The following MSRA variants were observed in gnomAD, a reference collection of about 807,000 sequenced individuals.
The protein encoded by MSRA is methionine sulfoxide reductase A.
Under a neutral mutation model 31.3 loss-of-function variants are expected in MSRA, and 54 were observed. The ratio of observed to expected loss-of-function variants is 1.73; its 90% CI spans 1.39 to 2.17. MSRA has a LOEUF of 2.17. Ranked by LOEUF, MSRA falls within the 30% of genes most tolerant of loss-of-function variation. The pLI is 0.00. For synonymous variants in MSRA, 169 were observed against 116.5 expected (o/e 1.45, Z -2.90); for missense variants, 507 against 300.9 (o/e 1.69, Z -5.07).
intron 1 of MSRA, among the ~76,000 whole-genome samples, chr8:10,160,493 T>TAAA (rs897488761): frequency 7.2e-6 from 1 of 139,360 alleles, no homozygotes; most frequent in Non-Finnish European, 1.6e-5. Flanking sequence ...AGACTCCATC[T>TAAA]AAAAAAAAAA....
intron 1 of MSRA, among the ~76,000 whole-genome samples, chr8:10,098,539 A>G (rs1473827645): frequency 6.6e-6 from 1 of 152,178 alleles, no homozygotes. Context: ...ACGGGGATGG[A>G]AGAGGGAATA....
intron 2 of MSRA, among the ~76,000 whole-genome samples, chr8:10,226,753 T>C (rs1811037627): frequency 6.6e-6 from 1 of 152,168 alleles, no homozygotes. Flanking sequence ...TGTTAAGGCT[T>C]TCTTTACTTT....
chr8:10,316,446 G>A lies in MSRA; in HGVS notation c.437-3437G>A, dbSNP rs191287169. ...GTTTACTAATATCCTCCAAGTATTTGCAGAATTGGGTGAATAACGTAGTAA... is the reference window on the plus strand; with the variant it reads ...GTTTACTAATATCCTCCAAGTATTTACAGAATTGGGTGAATAACGTAGTAA... On this transcript the variant is annotated intron_variant, in intron 4 of 5. Transcript: ENST00000317173. Among the ~76,000 whole-genome samples the A allele has an allele frequency of 3.5e-4, 53 of 151,432 alleles. 1 individual carries two copies. The highest frequency in any genetic ancestry group is 2.2e-4 in the African/African-American group (9 of 41,348).
rs1415913757 is a variant in MSRA, at chr8:10,054,421, G to A, written c.-96G>A. ...CCCGCCCGCGCCCCTGCCGCCCCCC[G>A]GTTCCGGCCGCGGACCCCACTCTCT... On this transcript the variant is annotated 5_prime_UTR_variant, in exon 1 of 6. Transcript: ENST00000317173. 2.0e-5 allele frequency: 4 copies of A among 204,724 alleles called. No homozygotes were observed. Among genetic ancestry groups the A allele is most frequent in the Non-Finnish European group, 3.2e-5 (4 of 124,310 alleles). The allele number at this position is 204,724 out of a possible 1,614,324, so 12.7% of individuals were successfully genotyped here. A position where few individuals can be genotyped will look rare whatever the true frequency, so the allele number is the denominator to read the frequency against.
rs78816416 is a variant in MSRA, at chr8:10,404,242, G to A, written c.544-23906G>A. ...CTGCTCCTCCTCCACAAATAGCAAGGCAGGGACCTTCCCCAGGGGCATCTG... is the reference window on the plus strand; with the variant it reads ...CTGCTCCTCCTCCACAAATAGCAAGACAGGGACCTTCCCCAGGGGCATCTG... On this transcript the variant is annotated intron_variant, in intron 5 of 5. Coordinates refer to ENST00000317173, the MANE Select transcript of MSRA (RefSeq NM_012331.5). Among the ~76,000 whole-genome samples, 60 of 152,198 alleles carry A rather than the reference G, an allele frequency of 3.9e-4. No individual in the cohort carries two copies. In the East Asian group the frequency reaches 0.011, roughly 29 times the overall value.
intron 1 of MSRA, among the ~76,000 whole-genome samples, chr8:10,137,749 G>C (rs1407049748): frequency 6.6e-6 from 1 of 152,062 alleles, no homozygotes; most frequent in Non-Finnish European, 1.5e-5. Context: ...GAGCCTGGAT[G>C]GGTGCCTGCC....
At chr8:10,360,735 T>C (rs1037919371) in intron 5 of MSRA, among the ~76,000 whole-genome samples, 11 of 152,248 alleles carry the variant, frequency 7.2e-5, no homozygotes, top group African/African-American at 2.4e-4. Flanking sequence ...ATTTGGAAGA[T>C]ATTCATTTGG....
chr8:10,182,645 G>T (rs1208021373), intron 1 of MSRA, among the ~76,000 whole-genome samples: 2 of 152,178 alleles, frequency 1.3e-5, no homozygotes, highest in Admixed American at 1.3e-4. Context: ...CATGCGGTGT[G>T]TGATCATCAC....
chr8:10,364,945 G>A (rs1004731601), intron 5 of MSRA, among the ~76,000 whole-genome samples: 1 of 152,106 alleles, frequency 6.6e-6, no homozygotes, highest in Non-Finnish European at 1.5e-5. Context: ...TCAGCTGGGA[G>A]TTAGGCTCCT....
intron 5 of MSRA, among the ~76,000 whole-genome samples, chr8:10,369,919 G>A (rs1048896638): frequency 2.6e-5 from 4 of 152,154 alleles, no homozygotes; most frequent in Non-Finnish European, 5.9e-5. Context: ...ATGTGGTTAT[G>A]AGACCATGAG....
At chr8:10,245,904 C>T (rs1563264226) in intron 3 of MSRA, among the ~76,000 whole-genome samples, 1 of 152,164 alleles carries the variant, frequency 6.6e-6, no homozygotes, top group African/African-American at 2.4e-5. Context: ...AGAATCGGGA[C>T]CATTATTTCA....
In MSRA at chr8:10,408,003, G is replaced by A. The variant is rs563686055; in HGVS notation, c.544-20145G>A. Among the ~76,000 whole-genome samples, 7 of 152,250 alleles carry A rather than the reference G, an allele frequency of 4.6e-5. No homozygotes were observed. In the East Asian group the frequency reaches 1.4e-3, roughly 29 times the overall value. ...AGAACCAATAGGTATAAACTTCTTA[G>A]AATTTCTATTAAAAAATTGACAAGC... On this transcript the variant is annotated intron_variant, in intron 5 of 5. Transcript: ENST00000317173.
chr8:10,347,640 A>G (rs1034241697), intron 5 of MSRA, among the ~76,000 whole-genome samples: 10 of 152,178 alleles, frequency 6.6e-5, no homozygotes, highest in East Asian at 1.9e-4. Context: ...CGCCATCCCA[A>G]AGTTCCACTT....
chr8:10,151,523 G>T (rs969092014), intron 1 of MSRA, among the ~76,000 whole-genome samples: 2 of 152,068 alleles, frequency 1.3e-5, no homozygotes, highest in African/African-American at 4.8e-5. Flanking sequence ...GTTGGCAGGT[G>T]CCTGTAGTCC....
At chr8:10,400,378 T>TGTGTA (rs112068172) in intron 5 of MSRA, among the ~76,000 whole-genome samples, 26,017 of 110,156 alleles carry the variant, frequency 0.24, 3,871 homozygotes, top group East Asian at 0.51. Flanking sequence ...TGTGTGTGTG[T>TGTGTA]GTGTGTAGTG....
chr8:10,147,949 A>C (rs560150350), intron 1 of MSRA, among the ~76,000 whole-genome samples: 1 of 152,278 alleles, frequency 6.6e-6, no homozygotes, highest in South Asian at 2.1e-4. Flanking sequence ...CTTTAGAGGG[A>C]CCGGAAAGGG....
At chr8:10,267,086 G>A (rs756557705) in intron 3 of MSRA, among the ~76,000 whole-genome samples, 5 of 152,106 alleles carry the variant, frequency 3.3e-5, no homozygotes, top group Non-Finnish European at 5.9e-5. Flanking sequence ...CCTTTAATGC[G>A]AACCAACATA....
chr8:10,361,996 G>C (rs550470526), intron 5 of MSRA, among the ~76,000 whole-genome samples: 6 of 151,714 alleles, frequency 4.0e-5, no homozygotes, highest in African/African-American at 1.5e-4. Flanking sequence ...CTCTCTTGTC[G>C]TTGTTTCATT....
At chr8:10,318,326 G>T (rs538388756) in intron 4 of MSRA, among the ~76,000 whole-genome samples, 2 of 152,258 alleles carry the variant, frequency 1.3e-5, no homozygotes, top group Admixed American at 6.5e-5. Flanking sequence ...AACAAGAAAT[G>T]ATGGCAAAGA....
Sources: gnomAD v4.1 joint callset for allele counts (sites outside exome capture counted in the v4.1 genomes callset) on GRCh38, gnomAD v4.1.1 for gene constraint, MANE v1.5 for transcripts, NCBI Gene and HGNC (gene_info 2026-07-23, HGNC 2026-07-21) for gene names.